Variants in CEP192 observed in about 807,000 individuals in gnomAD.
The protein encoded by CEP192 is centrosomal protein of 192 kDa.
In CEP192, 151 loss-of-function variants were observed where a neutral mutation model predicts 271.8. The ratio of observed to expected loss-of-function variants is 0.56; its 90% CI spans 0.49 to 0.64. The LOEUF is 0.64. Among genes scored for constraint, CEP192 ranks in the 30% least tolerant of loss-of-function variants. The probability of loss-of-function intolerance (pLI) is 0.00; values close to 1 mark genes in which losing one functional copy is unlikely to be tolerated. For missense variants in CEP192, 2,910 were observed against 3,020.5 expected (o/e 0.96, Z 0.86); for synonymous variants, 995 against 1,076.5 (o/e 0.92, Z 1.48).
At chr18:13,059,534 T>G (rs2037296364) in intron 21 of CEP192, among the ~76,000 whole-genome samples, 2 of 152,174 alleles carry the variant, frequency 1.3e-5, no homozygotes, top group Non-Finnish European at 1.5e-5. Context: ...TAAAGCAGAG[T>G]ATAAGGTTAA....
At chr18:12,998,356 A>C (rs16940004) in intron 1 of CEP192, among the ~76,000 whole-genome samples, 6,483 of 152,278 alleles carry the variant, frequency 0.043, 202 homozygotes, top group African/African-American at 0.091. Context: ...AATGCATTGG[A>C]GTATTTGCTA....
chr18:13,066,187 A>C (rs1263225886), intron 21 of CEP192, among the ~76,000 whole-genome samples: 1 of 152,200 alleles, frequency 6.6e-6, no homozygotes, highest in Non-Finnish European at 1.5e-5. Context: ...CTAATGTTTT[A>C]GTTCTAAACA....
At chr18:13,110,808 A>G (rs2040175612) in intron 40 of CEP192, among the ~76,000 whole-genome samples, 1 of 152,238 alleles carries the variant, frequency 6.6e-6, no homozygotes, top group African/African-American at 2.4e-5. Context: ...TGTAAATCCC[A>G]GAGTGCAAAG....
In CEP192 at chr18:13,000,091, C is replaced by CTCTCTTTTTTTTTTT. The variant is rs1555698196; in HGVS notation, c.164+504_164+505insCTCTTTTTTTTTTTT. Among the ~76,000 whole-genome samples the CTCTCTTTTTTTTTTT allele has an allele frequency of 5.6e-4, 43 of 76,752 alleles. 5 individuals are homozygous for CTCTCTTTTTTTTTTT. Among genetic ancestry groups the CTCTCTTTTTTTTTTT allele is most frequent in the Admixed American group, 1.1e-3 (6 of 5,540 alleles). 50.4% of individuals were successfully genotyped at this position (76,752 alleles called of 152,430 possible). A position where few individuals can be genotyped will look rare whatever the true frequency, so the allele number is the denominator to read the frequency against. ...CTCTGTATAACTCATTGTCTTCTCTCTTTTTTTTTTTTTTTTTTTTTTTTT... is the reference window on the plus strand; with the variant it reads ...CTCTGTATAACTCATTGTCTTCTCTCTCTCTTTTTTTTTTTTTTTTTTTTTTTTTTTTTTTTTTTT... On this transcript the variant is annotated intron_variant, in intron 2 of 44. Transcript: ENST00000506447.
At chr18:13,045,466 C>T (rs1198900523) in intron 15 of CEP192, among the ~76,000 whole-genome samples, 1 of 152,126 alleles carries the variant, frequency 6.6e-6, no homozygotes, top group African/African-American at 2.4e-5. Context: ...ATACATAGCT[C>T]AGCATTTGTT....
intron 36 of CEP192, among the ~76,000 whole-genome samples, chr18:13,097,649 A>ATTT (rs1168883540): frequency 9.3e-6 from 1 of 107,876 alleles, no homozygotes. Context: ...TTTAACTATT[A>ATTT]TTTTTTTTTT....
intron 30 of CEP192, among the ~76,000 whole-genome samples, chr18:13,076,505 G>A (rs1158750268): frequency 6.6e-6 from 1 of 151,930 alleles, no homozygotes. Context: ...CGTGAGCCAC[G>A]CACCCGGCCA....
rs768830293 is a variant in CEP192, at chr18:13,100,409, A to C, written c.6768A>C (p.Ser2256=). 57 of 1,613,886 alleles carry C rather than the reference A, an allele frequency of 3.5e-5. No homozygotes were observed. The highest frequency in any genetic ancestry group is 2.2e-4 in the Admixed American group (13 of 60,014). ...FGILSPVSEP[S]VSHLVKPMTK... Reference sequence around the variant, plus strand: ...TTCTTTCCCCAGTATCTGAGCCTTCAGTTAGTCATTTGGTCAAACCAATGA... The same window carrying C: ...TTCTTTCCCCAGTATCTGAGCCTTCCGTTAGTCATTTGGTCAAACCAATGA... Residue 2256 remains serine, a synonymous_variant, in exon 38 of 45, where the codon TCA becomes TCC. Coordinates refer to ENST00000506447, the MANE Select transcript of CEP192 (RefSeq NM_032142.4).
At chr18:13,101,877 C>G (rs985116497) in intron 38 of CEP192, among the ~76,000 whole-genome samples, 5 of 152,156 alleles carry the variant, frequency 3.3e-5, no homozygotes, top group African/African-American at 7.2e-5. Flanking sequence ...CCTCTTGTCA[C>G]TTCTGGACTC....
chr18:13,113,153 C>G lies in CEP192; in HGVS notation c.7048-433C>G, dbSNP rs543710141. Among the ~76,000 whole-genome samples the G allele has an allele frequency of 1.7e-4, 26 of 152,290 alleles. No homozygotes were observed. The East Asian group carries it at 4.6e-3, about 27-fold the overall frequency. On this transcript the variant is annotated intron_variant, in intron 40 of 44. Transcript: ENST00000506447. The stretch of plus-strand genomic sequence containing the variant: ...TTCTGCCTCCTGTAGCCGCCGCCCC[C>G]CTCACTGTTGTCAGTCCTCTACAGC...
intron 40 of CEP192, among the ~76,000 whole-genome samples, chr18:13,106,868 T>C (rs2039982006): frequency 6.6e-6 from 1 of 152,218 alleles, no homozygotes; most frequent in South Asian, 2.1e-4. Context: ...TGCTTAAATA[T>C]GACAAGATGT....
chr18:13,071,440 G>A (rs757424854), intron 28 of CEP192, among the ~76,000 whole-genome samples: 1 of 152,216 alleles, frequency 6.6e-6, no homozygotes, highest in Non-Finnish European at 1.5e-5. Flanking sequence ...TTACTGCTGA[G>A]GAGGGAGTAT....
rs115856720 is a variant in CEP192 at position 13,084,266 on chromosome 18, G to A, written c.5617-2751G>A. 6.5e-3 allele frequency among the ~76,000 whole-genome samples: 986 copies of A among 152,242 alleles called. 22 individuals carry two copies. Among genetic ancestry groups the A allele is most frequent in the African/African-American group, 0.022 (928 of 41,544 alleles). ...GAGGTTGTAGGCATTGCAGAGCTAC[G>A]GTGGGCTCCACCCAGTTCGAGCTTC... On this transcript the variant is annotated intron_variant, in intron 30 of 44. Coordinates refer to ENST00000506447, the MANE Select transcript of CEP192 (RefSeq NM_032142.4).
chr18:13,081,559 A>G (rs2038609563), intron 30 of CEP192, among the ~76,000 whole-genome samples: 1 of 151,862 alleles, frequency 6.6e-6, no homozygotes, highest in South Asian at 2.1e-4. Flanking sequence ...GCAGTCTATC[A>G]ATTTTGTTGA....
intron 6 of CEP192, among the ~76,000 whole-genome samples, chr18:13,016,925 T>G (rs1486134240): frequency 6.6e-6 from 1 of 152,242 alleles, no homozygotes; most frequent in Non-Finnish European, 1.5e-5. Flanking sequence ...GATGCCACAT[T>G]TATTGTATCC....
chr18:13,116,538 A>G (rs1309510341), intron 43 of CEP192, 35 bp downstream of exon 43: 5 of 1,551,134 alleles, frequency 3.2e-6, no homozygotes, highest in Non-Finnish European at 4.4e-6. Flanking sequence ...TTTTGGAAAA[A>G]TACATGCATT....
rs764363018 is a variant in CEP192 at position 13,059,194 on chromosome 18, G to A, written c.4370G>A (p.Arg1457Lys). Residue 1457 changes from arginine (R) to lysine (K), a missense_variant, in exon 21 of 45, where the codon AGA (arginine) becomes AAA (lysine). Arg to Lys is a conservative substitution (Grantham distance 26). Transcript: ENST00000506447. ...LFIPSSPGVFRCTFSVASWPC... is the reference protein window; with the variant it reads ...LFIPSSPGVFKCTFSVASWPC... Reference sequence around the variant, plus strand: ...ATACCATCCAGTCCTGGGGTTTTCAGATGCACATTCAGTGTTGCTTCTTGG... The same window carrying A: ...ATACCATCCAGTCCTGGGGTTTTCAAATGCACATTCAGTGTTGCTTCTTGG... The A allele has an allele frequency of 1.9e-6, 3 of 1,614,184 alleles. No individual in the cohort carries two copies. Among genetic ancestry groups the A allele is most frequent in the Non-Finnish European group, 1.7e-6 (2 of 1,179,994 alleles).
At chr18:13,028,219 G>A (rs2035413846) in intron 9 of CEP192, among the ~76,000 whole-genome samples, 1 of 152,168 alleles carries the variant, frequency 6.6e-6, no homozygotes. Context: ...TCTCTTGTCT[G>A]TGATACAGAC....
At position 13,019,121 on chromosome 18, in the gene CEP192, A is replaced by C; in HGVS notation, c.965A>C (p.Asp322Ala). The C allele has an allele frequency of 6.5e-7, 1 of 1,544,950 alleles. No individual in the cohort carries two copies. The highest frequency in any genetic ancestry group is 1.4e-5 in the African/African-American group (1 of 72,756). The stretch of plus-strand genomic sequence containing the variant: ...ACTGGAGATAGTAGAAGGTACACAG[A>C]TGGTATGTTACCATTTTCCTCTGGT... ...IGTGDSRRYT[D>A]GMLPFSSGTW... Residue 322 changes from aspartate (D) to alanine (A), a missense_variant, in exon 9 of 45, where the codon GAT becomes GCT. Physicochemically the swap from Asp to Ala is moderately radical, Grantham distance 126. Coordinates refer to ENST00000506447, the MANE Select transcript of CEP192 (RefSeq NM_032142.4).
Sources: allele counts gnomAD v4.1 joint callset (sites outside exome capture counted in the v4.1 genomes callset), GRCh38; gene constraint gnomAD v4.1.1; transcripts MANE v1.5; gene names NCBI Gene and HGNC (gene_info 2026-07-23, HGNC 2026-07-21).